The following FRMD4A variants were observed in gnomAD, a reference collection of about 807,000 sequenced individuals.
The protein encoded by FRMD4A is FERM domain containing 4A.
A neutral mutation model predicts 129.1 loss-of-function variants in FRMD4A; 29 were observed. That is an observed-to-expected ratio of 0.22 (90% CI 0.17 to 0.31). The LOEUF is 0.31. Ranked by LOEUF, FRMD4A falls within the 10% of genes least tolerant of loss-of-function variation. FRMD4A has a pLI of 1.00. For synonymous variants in FRMD4A, 634 were observed against 571.6 expected (o/e 1.11, Z -1.56); for missense variants, 1,272 against 1,375.8 (o/e 0.92, Z 1.19).
At chr10:14,048,625 G>A (rs1834090929) in intron 2 of FRMD4A, among the ~76,000 whole-genome samples, 1 of 152,008 alleles carries the variant, frequency 6.6e-6, no homozygotes, top group South Asian at 2.1e-4. Context: ...GGCCAACATG[G>A]TGAAACCCTG....
Position 14,004,544 on chromosome 10 carries a change from G to T in FRMD4A, c.46-145632C>A, listed in dbSNP as rs144595494. Among the ~76,000 whole-genome samples, 82 of 151,276 alleles carry T rather than the reference G, an allele frequency of 5.4e-4. 1 individual carries two copies. The highest frequency in any genetic ancestry group is 1.8e-3 in the African/African-American group (74 of 41,244). ...GCAACACAGCGAGACTCTGTCTCAA[G>T]AAAAAAACAAACAGAAAAAAAAAGA... is the stretch of plus-strand genomic sequence containing the variant. On this transcript the variant is annotated intron_variant, in intron 2 of 24. Coordinates refer to ENST00000357447, the MANE Select transcript of FRMD4A (RefSeq NM_018027.5).
intron 22 of FRMD4A, 42 bp from the exon 23 acceptor site, chr10:13,654,554 A>G (rs779041591): frequency 7.6e-7 from 1 of 1,316,698 alleles, no homozygotes; most frequent in South Asian, 1.2e-5. Context: ...GCAGACAGGG[A>G]TCAGACACAG....
At chr10:14,207,941 C>A (rs1842832608) in intron 2 of FRMD4A, among the ~76,000 whole-genome samples, 1 of 152,138 alleles carries the variant, frequency 6.6e-6, no homozygotes. Flanking sequence ...TAACTCACAC[C>A]TGTAATCCTA....
chr10:13,810,251 A>G (rs1189677474), intron 4 of FRMD4A, among the ~76,000 whole-genome samples: 1 of 152,230 alleles, frequency 6.6e-6, no homozygotes, highest in Non-Finnish European at 1.5e-5. Context: ...AAATTTTAGT[A>G]AAGATTTTCC....
At position 13,707,054 on chromosome 10, in the gene FRMD4A, T is replaced by C; in HGVS notation, c.819A>G (p.Glu273=). Residue 273 remains glutamate (E), a synonymous_variant, in exon 13 of 25, where the codon GAA becomes GAG. Coordinates refer to ENST00000357447, the MANE Select transcript of FRMD4A (RefSeq NM_018027.5). The part of the protein sequence containing the change: ...LYFREKKFSV[E]VHDPRRASVT... Reference sequence around the variant, plus strand: ...AAGCTTACCTGCGTGGGTCATGAACTTCCACGGAAAACTTCTTTTCTCTGA... The same window carrying C: ...AAGCTTACCTGCGTGGGTCATGAACCTCCACGGAAAACTTCTTTTCTCTGA... The C allele has an allele frequency of 1.3e-6, 2 of 1,576,560 alleles. No homozygotes were observed. Among genetic ancestry groups the C allele is most frequent in the Non-Finnish European group, 1.7e-6 (2 of 1,145,872 alleles).
At chr10:14,318,374 A>C (rs1846833538) in intron 2 of FRMD4A, among the ~76,000 whole-genome samples, 1 of 150,974 alleles carries the variant, frequency 6.6e-6, no homozygotes, top group Non-Finnish European at 1.5e-5. Flanking sequence ...ACACAAAACA[A>C]GTTATTAGTC....
At chr10:14,035,442 A>G (rs950203625) in intron 2 of FRMD4A, among the ~76,000 whole-genome samples, 6 of 150,620 alleles carry the variant, frequency 4.0e-5, no homozygotes, top group African/African-American at 1.5e-4. Flanking sequence ...AAAAAAAAAA[A>G]GAAGAAAAAA....
chr10:14,299,230 A>G (rs1846106845), intron 2 of FRMD4A, among the ~76,000 whole-genome samples: 1 of 152,226 alleles, frequency 6.6e-6, no homozygotes, highest in Non-Finnish European at 1.5e-5. Flanking sequence ...TCCATAAAAA[A>G]GAACAGTCTG....
rs566298809 is a variant in FRMD4A at position 13,771,829 on chromosome 10, C to CA, written c.385-9150dup. Among the ~76,000 whole-genome samples, 11 of 152,128 alleles carry CA rather than the reference C, an allele frequency of 7.2e-5. No individual in the cohort carries two copies. In the East Asian group the frequency reaches 2.1e-3, roughly 29 times the overall value. On this transcript the variant is annotated intron_variant, in intron 6 of 24. Transcript: ENST00000357447. ...GTGCGGTGGCTCACGCCTGTAATCT[C>CA]AGCACTTTAGGAGGCCAAGGAAGGA...
chr10:13,986,415 A>C (rs1013186103), intron 2 of FRMD4A, among the ~76,000 whole-genome samples: 27 of 148,620 alleles, frequency 1.8e-4, no homozygotes, highest in African/African-American at 6.2e-4. Flanking sequence ...CCAAACGCTA[A>C]ATGTTCTCAC....
At chr10:13,946,518 C>T (rs899932661) in intron 2 of FRMD4A, among the ~76,000 whole-genome samples, 6 of 152,224 alleles carry the variant, frequency 3.9e-5, no homozygotes, top group Non-Finnish European at 8.8e-5. Context: ...GAACACATCC[C>T]ACTCCCTTGG....
chr10:14,185,440 G>A (rs1424735110), intron 2 of FRMD4A, among the ~76,000 whole-genome samples: 1 of 152,204 alleles, frequency 6.6e-6, no homozygotes, highest in East Asian at 1.9e-4. Context: ...GTACAGATGA[G>A]GATGTCGTGG....
At chr10:13,786,593 C>A (rs957387871) in intron 5 of FRMD4A, among the ~76,000 whole-genome samples, 1 of 151,914 alleles carries the variant, frequency 6.6e-6, no homozygotes, top group Admixed American at 6.6e-5. Flanking sequence ...GCAACAAAAG[C>A]GAAACTCCGT....
intron 5 of FRMD4A, among the ~76,000 whole-genome samples, chr10:13,792,463 G>C (rs1196207552): frequency 6.6e-6 from 1 of 152,092 alleles, no homozygotes; most frequent in African/African-American, 2.4e-5. Context: ...AGTAGGGGAG[G>C]ACAGACACAA....
chr10:13,947,378 A>G (rs1044159791), intron 2 of FRMD4A, among the ~76,000 whole-genome samples: 4 of 152,168 alleles, frequency 2.6e-5, no homozygotes, highest in African/African-American at 9.7e-5. Flanking sequence ...ACAGTAAATA[A>G]TTGAGTGGGA....
Position 14,008,167 on chromosome 10 carries a change from T to C in FRMD4A, c.46-149255A>G, listed in dbSNP as rs567496861. 240 of 905,296 alleles carry C rather than the reference T, an allele frequency of 2.7e-4. 1 individual carries two copies. In the South Asian group the frequency reaches 4.7e-3, roughly 18 times the overall value. The allele number at this position is 905,296 out of a possible 1,614,324, so 56.1% of individuals were successfully genotyped here. On this transcript the variant is annotated intron_variant, in intron 2 of 24. Transcript: ENST00000357447. ...TGAACCACCATGGTGTACAGCTGTG[T>C]GTGTGTGTGTGTGTGTGTGTGTGTG...
chr10:13,693,515 A>C (rs2085919609), intron 15 of FRMD4A: 1 of 1,174,892 alleles, frequency 8.5e-7, no homozygotes, highest in Non-Finnish European at 1.1e-6. Context: ...CTGGCACCAG[A>C]TCCTGAAATT....
At chr10:14,147,536 T>G (rs1840133779) in intron 2 of FRMD4A, among the ~76,000 whole-genome samples, 1 of 152,148 alleles carries the variant, frequency 6.6e-6, no homozygotes, top group Non-Finnish European at 1.5e-5. Flanking sequence ...GCTCTGAGCT[T>G]GTTTTCCTGC....
chr10:13,906,173 C>A (rs2094880390), intron 2 of FRMD4A, among the ~76,000 whole-genome samples: 1 of 152,232 alleles, frequency 6.6e-6, no homozygotes, highest in African/African-American at 2.4e-5. Flanking sequence ...TCATGGCAAT[C>A]ACAGTCACAT....
Sources: gnomAD v4.1 joint callset for allele counts (sites outside exome capture counted in the v4.1 genomes callset) on GRCh38, gnomAD v4.1.1 for gene constraint, MANE v1.5 for transcripts, NCBI Gene and HGNC (gene_info 2026-07-23, HGNC 2026-07-21) for gene names.